The following ANO2 variants were observed in gnomAD, a reference collection of about 807,000 sequenced individuals.
ANO2 encodes the protein anoctamin 2, also known as anoctamin-2.
A neutral mutation model predicts 124.2 loss-of-function variants in ANO2; 101 were observed. The observed-to-expected ratio is 0.81, with a 90% CI of 0.69 to 0.96. The LOEUF (loss-of-function observed/expected upper bound fraction) is 0.96, where lower values mean the gene tolerates loss of function less well. ANO2 is among the 40% of genes least tolerant of loss of function. The pLI is 0.00. For missense variants in ANO2, 1,293 were observed against 1,274.5 expected (o/e 1.01, Z -0.22); for synonymous variants, 486 against 482.5 (o/e 1.01, Z -0.09).
At chr12:5,723,682 T>C (rs1045989448) in intron 14 of ANO2, among the ~76,000 whole-genome samples, 3 of 152,078 alleles carry the variant, frequency 2.0e-5, no homozygotes, top group South Asian at 2.1e-4. Flanking sequence ...ACAGAAACCA[T>C]GCACTGTCAA....
intron 1 of ANO2, among the ~76,000 whole-genome samples, chr12:5,932,621 T>G (rs931121977): frequency 1.3e-3 from 189 of 147,730 alleles, no homozygotes; most frequent in African/African-American, 4.5e-3. Flanking sequence ...GGAAAGAAGA[T>G]AGACTAGTAA....
intron 7 of ANO2, 162 bp downstream of exon 7, chr12:5,827,607 C>A: frequency 1.2e-6 from 1 of 823,908 alleles, no homozygotes; most frequent in South Asian, 1.6e-5. Flanking sequence ...CCCCGCTGCT[C>A]CTGGGGCCAA....
chr12:5,599,195 C>T (rs1943808443), intron 20 of ANO2, among the ~76,000 whole-genome samples: 1 of 152,124 alleles, frequency 6.6e-6, no homozygotes, highest in Non-Finnish European at 1.5e-5. Flanking sequence ...AGAGATCAAA[C>T]TTTAGTTTAT....
chr12:5,823,468 C>A (rs1953868068), intron 7 of ANO2, among the ~76,000 whole-genome samples: 1 of 152,200 alleles, frequency 6.6e-6, no homozygotes, highest in Non-Finnish European at 1.5e-5. Context: ...TCAAGCAGGG[C>A]AGTAAAATTT....
intron 3 of ANO2, among the ~76,000 whole-genome samples, chr12:5,906,427 G>A (rs1185580197): frequency 6.6e-6 from 1 of 151,674 alleles, no homozygotes; most frequent in Non-Finnish European, 1.5e-5. Flanking sequence ...TTTGGGAGAT[G>A]GTAGGATCAC....
chr12:5,669,638 C>T (rs1208110172), intron 14 of ANO2, among the ~76,000 whole-genome samples: 1 of 152,156 alleles, frequency 6.6e-6, no homozygotes, highest in Non-Finnish European at 1.5e-5. Flanking sequence ...ATGCTTCCAG[C>T]TTTTGCCCAT....
intron 4 of ANO2, among the ~76,000 whole-genome samples, chr12:5,835,114 T>G (rs972604321): frequency 7.9e-5 from 12 of 152,332 alleles, no homozygotes; most frequent in Admixed American, 2.0e-4. Flanking sequence ...TAACATTCAC[T>G]TATAAATAGT....
At position 5,921,317 on chromosome 12, in the gene ANO2, C is replaced by A; in HGVS notation, c.257G>T (p.Arg86Leu). ...GTCATGGAAGTGCATGCGGCTAAGA[C>A]GGGCCTCCAAGGACACAGGCTCATT... ...DANEPVSLEA[R>L]LSRMHFHDSQ... The change falls in exon 3 of 25, where the codon CGT becomes CTT. Residue 86 changes from arginine to leucine, a missense_variant. Arg to Leu is a moderately radical substitution (Grantham distance 102). Coordinates refer to ENST00000682330, the MANE Select transcript of ANO2 (RefSeq NM_001364791.2). The A allele has an allele frequency of 6.2e-7, 1 of 1,613,966 alleles. No homozygotes were observed. Among genetic ancestry groups the A allele is most frequent in the East Asian group, 2.2e-5 (1 of 44,870 alleles).
chr12:5,860,676 T>C (rs1163284013), intron 3 of ANO2, among the ~76,000 whole-genome samples: 2 of 152,208 alleles, frequency 1.3e-5, no homozygotes, highest in African/African-American at 4.8e-5. Flanking sequence ...TATTGACAGC[T>C]AAAGTTACTA....
At chr12:5,575,576 G>C (rs183961873) in intron 23 of ANO2, among the ~76,000 whole-genome samples, 1 of 152,242 alleles carries the variant, frequency 6.6e-6, no homozygotes, top group Admixed American at 6.5e-5. Context: ...CTACAAACTT[G>C]TACGGCATAT....
intron 3 of ANO2, among the ~76,000 whole-genome samples, chr12:5,875,897 AAG>A (rs1357651814): frequency 2.6e-5 from 4 of 152,008 alleles, no homozygotes; most frequent in African/African-American, 9.7e-5. Context: ...TCATTCAGAG[AAG>A]AGAGATGAGA....
intron 3 of ANO2, among the ~76,000 whole-genome samples, chr12:5,876,673 T>C (rs1938123648): frequency 6.6e-6 from 1 of 152,198 alleles, no homozygotes; most frequent in Non-Finnish European, 1.5e-5. Flanking sequence ...GTTAATATCG[T>C]TTGCAGAGAC....
chr12:5,721,509 T>TTG (rs1950236051), intron 14 of ANO2, among the ~76,000 whole-genome samples: 2 of 95,076 alleles, frequency 2.1e-5, no homozygotes, highest in African/African-American at 7.5e-5. Context: ...GTTTTTTTTT[T>TTG]TTGTTTTTTT....
At chr12:5,851,348 C>A (rs1954892370) in intron 4 of ANO2, among the ~76,000 whole-genome samples, 1 of 152,040 alleles carries the variant, frequency 6.6e-6, no homozygotes, top group Non-Finnish European at 1.5e-5. Context: ...ACTGGGGAAG[C>A]CAAGTCTGGG....
At chr12:5,739,251 C>A (rs1950995877) in intron 13 of ANO2, 66 bp downstream of exon 13, 2 of 1,379,962 alleles carry the variant, frequency 1.4e-6, no homozygotes, top group Non-Finnish European at 2.0e-6. Flanking sequence ...CAAGAGAGTC[C>A]ATTTCCAGGG....
In ANO2 at chr12:5,932,678, C is replaced by G. The variant is rs367922412; in HGVS notation, c.23-9874G>C. ...GTGACTAATAAGGAAAGAAGGTAGA[C>G]GAGTAAGGAAGGAAGGTAGACTAGA... On this transcript the variant is annotated intron_variant, in intron 1 of 24. Coordinates refer to ENST00000682330, the MANE Select transcript of ANO2 (RefSeq NM_001364791.2). Among the ~76,000 whole-genome samples the G allele has an allele frequency of 8.0e-5, 12 of 150,810 alleles. No homozygotes were observed. In the East Asian group the frequency reaches 1.4e-3, roughly 17 times the overall value.
intron 4 of ANO2, among the ~76,000 whole-genome samples, chr12:5,845,040 G>C (rs1954639824): frequency 6.6e-6 from 1 of 151,942 alleles, no homozygotes; most frequent in Non-Finnish European, 1.5e-5. Flanking sequence ...GGGAGGCAGA[G>C]GTGGGTGGAT....
At chr12:5,675,335 C>T (rs912555346) in intron 14 of ANO2, among the ~76,000 whole-genome samples, 12 of 152,198 alleles carry the variant, frequency 7.9e-5, no homozygotes, top group African/African-American at 2.4e-4. Context: ...CACACAGTCT[C>T]TGCCACACAA....
chr12:5,568,844 C>T (rs184768554), intron 23 of ANO2, among the ~76,000 whole-genome samples: 88 of 152,216 alleles, frequency 5.8e-4, no homozygotes, highest in Middle Eastern at 3.2e-3. Flanking sequence ...AGTTACCTAA[C>T]CTTCTGATGC....
Sources: allele counts gnomAD v4.1 joint callset (sites outside exome capture counted in the v4.1 genomes callset), GRCh38; gene constraint gnomAD v4.1.1; transcripts MANE v1.5; gene names NCBI Gene and HGNC (gene_info 2026-07-23, HGNC 2026-07-21).